Variants in VMO1 observed in about 807,000 individuals in gnomAD.
The protein encoded by VMO1 is vitelline membrane outer layer protein 1 homolog.
Under a neutral mutation model 10.1 loss-of-function variants are expected in VMO1, and 13 were observed. The observed-to-expected ratio is 1.29, with a 90% CI of 0.84 to 2.05. The LOEUF (loss-of-function observed/expected upper bound fraction) is 2.05, where lower values mean the gene tolerates loss of function less well. VMO1 is among the 30% of genes most tolerant of loss of function. The probability of loss-of-function intolerance (pLI) is 0.00; values close to 1 mark genes in which losing one functional copy is unlikely to be tolerated. For missense variants in VMO1, 304 were observed against 276.9 expected, an observed-to-expected ratio of 1.10 and a Z score of -0.70; for synonymous variants, 117 against 122.2, an observed-to-expected ratio of 0.96 and a Z score of 0.28.
intron 2 of VMO1, 101 bp downstream of exon 2, chr17:4,785,836 C>T (rs995375836): frequency 1.3e-6 from 2 of 1,570,110 alleles, no homozygotes; most frequent in South Asian, 1.1e-5. Flanking sequence ...TATACTGCCC[C>T]GTAGCTCTGG....
chr17:4,785,342 AGCG>A lies in VMO1; in HGVS notation c.*17_*19del, dbSNP rs759946710. 2.0e-5 allele frequency: 32 copies of A among 1,591,604 alleles called. No individual in the cohort carries two copies. Among genetic ancestry groups the A allele is most frequent in the East Asian group, 2.2e-5 (1 of 44,532 alleles). On this transcript the variant is annotated 3_prime_UTR_variant, in exon 3 of 3. Coordinates refer to ENST00000328739, the MANE Select transcript of VMO1 (RefSeq NM_182566.3). ...GGACTAGCCTCCTGGCCCGGGAGAGAGCGGCGGCGGCGGCGCCGTTCAACTGCG... is the reference window on the plus strand; with the variant it reads ...GGACTAGCCTCCTGGCCCGGGAGAGAGCGGCGGCGGCGCCGTTCAACTGCG...
rs1400582033 is a variant in VMO1 at position 4,786,331 on chromosome 17, T to G, written c.22A>C (p.Lys8Gln). MERGAGA[K>Q]LLPLLLLLRA... ...AGAAGCAGCAGCAGCGGCAGCAGCT[T>G]GGCTCCTGCGCCCCGCTCCATCCTG... The change falls in exon 1 of 3, where the codon AAG becomes CAG. Residue 8 changes from lysine to glutamine, a missense_variant. Coordinates refer to ENST00000328739, the MANE Select transcript of VMO1 (RefSeq NM_182566.3). 7 of 1,585,496 alleles carry G rather than the reference T, an allele frequency of 4.4e-6. No individual in the cohort carries two copies. Among genetic ancestry groups the G allele is most frequent in the Non-Finnish European group, 6.0e-6 (7 of 1,170,820 alleles).
rs781673240 is a variant in VMO1, at chr17:4,786,219, C to A, written c.134G>T (p.Gly45Val). 6.2e-7 allele frequency: 1 copy of A among 1,611,502 alleles called. No homozygotes were observed. The highest frequency in any genetic ancestry group is 8.5e-7 in the Non-Finnish European group (1 of 1,178,726). Residue 45 changes from glycine (G) to valine (V), a missense_variant, in exon 1 of 3, where the codon GGC becomes GTC. Physicochemically the swap from Gly to Val is moderately radical, Grantham distance 109. Transcript: ENST00000328739. ...ACACATCTCAGGCCAGGCCCAGTCG[C>A]CCCAGGGACCCCCGCTGGTCACTTC... ...VIEVTSGGPW[G>V]DWAWPEMCPD... is the part of the protein sequence containing the mutation.
chr17:4,786,191 G>A lies in VMO1; in HGVS notation c.162C>T (p.Pro54=). The change falls in exon 1 of 3, where the codon CCC becomes CCT. Residue 54 remains proline (P), a synonymous_variant. Coordinates refer to ENST00000328739, the MANE Select transcript of VMO1 (RefSeq NM_182566.3). ...WGDWAWPEMC[P]DGFFASGFSL... ...AGAACCCGCTGGCGAAGAATCCATC[G>A]GGACACATCTCAGGCCAGGCCCAGT... 1 of 1,605,456 alleles carries A rather than the reference G, an allele frequency of 6.2e-7. No individual in the cohort carries two copies. The highest frequency in any genetic ancestry group is 8.5e-7 in the Non-Finnish European group (1 of 1,174,224).
chr17:4,785,856 C>G (rs116393799), intron 2 of VMO1, 81 bp downstream of exon 2: 1 of 1,590,516 alleles, frequency 6.3e-7, no homozygotes, highest in African/African-American at 1.3e-5. Flanking sequence ...GCGGAGCCAG[C>G]CTGCCTGTTG....
rs935087132 is a variant in VMO1, at chr17:4,786,059, A to G, written c.196-7T>C. On this transcript the variant is annotated splice_region_variant and splice_polypyrimidine_tract_variant and intron_variant, in intron 1 of 2. Coordinates refer to ENST00000328739, the MANE Select transcript of VMO1 (RefSeq NM_182566.3). ...TGCCTTGGGGAGGCTCCACCTGGGT[A>G]TCGAGGAGAGGGGCAAGGGCGAGTC... 6.2e-6 allele frequency: 10 copies of G among 1,614,172 alleles called. No homozygotes were observed. In the East Asian group the frequency reaches 2.2e-4, roughly 36 times the overall value.
Position 4,786,139 on chromosome 17 carries a change from C to T in VMO1, c.195+19G>A, listed in dbSNP as rs1917483869. The stretch of plus-strand genomic sequence containing the variant: ...CCACGCATCTCCGCCCTCTCCAGGA[C>T]CTACGCCTGAGCCCCAACCTTGAGC... On this transcript the variant is annotated intron_variant, in intron 1 of 2. Transcript: ENST00000328739. The T allele has an allele frequency of 9.3e-6, 15 of 1,607,148 alleles. No homozygotes were observed. Among genetic ancestry groups the T allele is most frequent in the Non-Finnish European group, 1.2e-5 (14 of 1,174,584 alleles).
chr17:4,785,547 C>G lies in VMO1; in HGVS notation c.424G>C (p.Val142Leu), dbSNP rs778819620. The change falls in exon 3 of 3, where the codon GTG becomes CTG. Residue 142 changes from valine to leucine, a missense_variant. Physicochemically the swap from Val to Leu is conservative, Grantham distance 32. Transcript: ENST00000328739. The part of the protein sequence containing the change: ...TLGDNTAANN[V>L]RFRCSDGEEL... The stretch of plus-strand genomic sequence containing the variant: ...TCGCCGTCTGAACAGCGGAAGCGCA[C>G]GTTGTTCGCTGCTGTGTTGTCACCG... 1.2e-6 allele frequency: 2 copies of G among 1,614,168 alleles called. No homozygotes were observed. The highest frequency in any genetic ancestry group is 1.7e-6 in the Non-Finnish European group (2 of 1,180,036).
At position 4,785,599 on chromosome 17, in the gene VMO1, C is replaced by T. The variant is rs765634804; in HGVS notation, c.372G>A (p.Ser124=). Residue 124 remains serine, a synonymous_variant, in exon 3 of 3, where the codon TCG becomes TCA. Coordinates refer to ENST00000328739, the MANE Select transcript of VMO1 (RefSeq NM_182566.3). ...GGGTCGTGGGTGCCTCCACGCGAAG[C>T]GAGAAAGCCACTAGGTAGGCGCCGC... ...CRGGAYLVAF[S]LRVEAPTTLG... The T allele has an allele frequency of 6.2e-7, 1 of 1,613,494 alleles. No homozygotes were observed. The highest frequency in any genetic ancestry group is 8.5e-7 in the Non-Finnish European group (1 of 1,180,022).
Position 4,785,579 on chromosome 17 carries a change from G to A in VMO1, c.392C>T (p.Thr131Met). The A allele has an allele frequency of 6.2e-7, 1 of 1,613,922 alleles. No homozygotes were observed. The highest frequency in any genetic ancestry group is 8.5e-7 in the Non-Finnish European group (1 of 1,180,048). ...CGCTGCTGTGTTGTCACCGAGGGTCGTGGGTGCCTCCACGCGAAGCGAGAA... is the reference window on the plus strand; with the variant it reads ...CGCTGCTGTGTTGTCACCGAGGGTCATGGGTGCCTCCACGCGAAGCGAGAA... ...VAFSLRVEAP[T>M]TLGDNTAANN... The change falls in exon 3 of 3, where the codon ACG becomes ATG. Residue 131 changes from threonine to methionine, a missense_variant. Thr to Met is a moderately conservative substitution (Grantham distance 81, BLOSUM62 -1). Coordinates refer to ENST00000328739, the MANE Select transcript of VMO1 (RefSeq NM_182566.3).
In VMO1 at chr17:4,785,582, G is replaced by A; in HGVS notation, c.389C>T (p.Pro130Leu). ...TGCTGTGTTGTCACCGAGGGTCGTG[G>A]GTGCCTCCACGCGAAGCGAGAAAGC... ...LVAFSLRVEA[P>L]TTLGDNTAAN... The change falls in exon 3 of 3, where the codon CCC becomes CTC. Residue 130 changes from proline (P) to leucine (L), a missense_variant. Physicochemically the swap from Pro to Leu is moderately conservative, Grantham distance 98 (BLOSUM62 -3). Coordinates refer to ENST00000328739, the MANE Select transcript of VMO1 (RefSeq NM_182566.3). 1 of 1,613,858 alleles carries A rather than the reference G, an allele frequency of 6.2e-7. No homozygotes were observed. The highest frequency in any genetic ancestry group is 8.5e-7 in the Non-Finnish European group (1 of 1,180,036).
At chr17:4,785,691 C>T (rs183886025) in intron 2 of VMO1, 32 bp from the exon 3 acceptor site, 16 of 1,579,922 alleles carry the variant, frequency 1.0e-5, no homozygotes, top group Middle Eastern at 1.7e-4. Flanking sequence ...GTTGCCTCTG[C>T]GGGCCCCCCA....
rs773137139 is a variant in VMO1, at chr17:4,786,263, G to T, written c.90C>A (p.Asn30Lys). 3 of 1,612,036 alleles carry T rather than the reference G, an allele frequency of 1.9e-6. No homozygotes were observed. The highest frequency in any genetic ancestry group is 1.7e-5 in the Admixed American group (1 of 59,944). Residue 30 changes from asparagine (N) to lysine (K), a missense_variant, in exon 1 of 3, where the codon AAC becomes AAA. Coordinates refer to ENST00000328739, the MANE Select transcript of VMO1 (RefSeq NM_182566.3). The stretch of plus-strand genomic sequence containing the variant: ...TCACTTCGATGACCGCCGTGTAGCC[G>T]TTCCGGCCATCTGTCTGTGCACATG... Reference protein sequence around the residue: ...GFTCAQTDGRNGYTAVIEVTS... With the variant: ...GFTCAQTDGRKGYTAVIEVTS...
At position 4,785,638 on chromosome 17, in the gene VMO1, C is replaced by A. The variant is rs1356686746; in HGVS notation, c.333G>T (p.Pro111=). Reference sequence around the variant, plus strand: ...GGTAGGCGCCGCCGCGACACCACAGCGGCTCACTCCATTCGCCCCAGCTGC... The same window carrying A: ...GGTAGGCGCCGCCGCGACACCACAGAGGCTCACTCCATTCGCCCCAGCTGC... The part of the protein sequence containing the change: ...QSGSWGEWSE[P]LWCRGGAYLV... The change falls in exon 3 of 3, where the codon CCG becomes CCT. Residue 111 remains proline, a synonymous_variant. Transcript: ENST00000328739. The A allele has an allele frequency of 5.6e-6, 9 of 1,611,036 alleles. No individual in the cohort carries two copies. The East Asian group carries it at 1.8e-4, about 32-fold the overall frequency.
rs1189425688 is a variant in VMO1 at position 4,786,320 on chromosome 17, C to T, written c.33G>A (p.Pro11=). 1.9e-6 allele frequency: 3 copies of T among 1,597,070 alleles called. No homozygotes were observed. Among genetic ancestry groups the T allele is most frequent in the Non-Finnish European group, 1.7e-6 (2 of 1,175,856 alleles). MERGAGAKLL[P]LLLLLRATGF... ...CAGTCGCCCGCAGAAGCAGCAGCAG[C>T]GGCAGCAGCTTGGCTCCTGCGCCCC... The change falls in exon 1 of 3, where the codon CCG becomes CCA. Residue 11 remains proline (P), a synonymous_variant. Transcript: ENST00000328739.
rs778655644 is a variant in VMO1 at position 4,786,053 on chromosome 17, C to T, written c.196-1G>A. 1 of 1,614,212 alleles carries T rather than the reference C, an allele frequency of 6.2e-7. No homozygotes were observed. Among genetic ancestry groups the T allele is most frequent in the East Asian group, 2.2e-5 (1 of 44,884 alleles). ...CAGGAATGCCTTGGGGAGGCTCCAC[C>T]TGGGTATCGAGGAGAGGGGCAAGGG... On this transcript the variant is annotated splice_acceptor_variant, in intron 1 of 2. Transcript: ENST00000328739. LOFTEE classifies it high-confidence loss of function.
Position 4,785,971 on chromosome 17 carries a change from C to T in VMO1, c.277G>A (p.Gly93Ser). 6.2e-7 allele frequency: 1 copy of T among 1,614,206 alleles called. No homozygotes were observed. Among genetic ancestry groups the T allele is most frequent in the Non-Finnish European group, 8.5e-7 (1 of 1,180,040 alleles). ...RLHCARGNVLGNTHVVESQSG... is the reference protein window; with the variant it reads ...RLHCARGNVLSNTHVVESQSG... ...TGGGACTCTACCACGTGCGTATTGCCTAGGACGTTCCCGCGCGCGCAGTGC... is the reference window on the plus strand; with the variant it reads ...TGGGACTCTACCACGTGCGTATTGCTTAGGACGTTCCCGCGCGCGCAGTGC... The change falls in exon 2 of 3, where the codon GGC becomes AGC. Residue 93 changes from glycine to serine, a missense_variant. Gly to Ser is a moderately conservative substitution (Grantham distance 56, BLOSUM62 0). Transcript: ENST00000328739.
At chr17:4,785,856 C>A (rs116393799) in intron 2 of VMO1, 81 bp downstream of exon 2, 3 of 1,590,632 alleles carry the variant, frequency 1.9e-6, no homozygotes, top group Non-Finnish European at 2.6e-6. Flanking sequence ...GCGGAGCCAG[C>A]CTGCCTGTTG....
In VMO1 at chr17:4,786,277, T is replaced by C. The variant is rs4790706; in HGVS notation, c.76A>G (p.Thr26Ala). 0.54 allele frequency: 870,015 copies of C among 1,609,720 alleles called. 237,140 individuals carry two copies. Among genetic ancestry groups the C allele is most frequent in the South Asian group, 0.69 (62,675 of 90,962 alleles). ...LRATGFTCAQ[T>A]DGRNGYTAVI... ...GCCGTGTAGCCGTTCCGGCCATCTGTCTGTGCACATGTGAAACCAGTCGCC... is the reference window on the plus strand; with the variant it reads ...GCCGTGTAGCCGTTCCGGCCATCTGCCTGTGCACATGTGAAACCAGTCGCC... The change falls in exon 1 of 3, where the codon ACA becomes GCA. Residue 26 changes from threonine (T) to alanine (A), a missense_variant. Physicochemically the swap from Thr to Ala is moderately conservative, Grantham distance 58. Coordinates refer to ENST00000328739, the MANE Select transcript of VMO1 (RefSeq NM_182566.3).
Sources: gnomAD v4.1 joint callset for allele counts on GRCh38, gnomAD v4.1.1 for gene constraint, MANE v1.5 for transcripts, NCBI Gene and HGNC (gene_info 2026-07-23, HGNC 2026-07-21) for gene names.